Variants in AGBL4 observed in about 807,000 individuals in gnomAD.
AGBL4 encodes cytosolic carboxypeptidase 6.
Under a neutral mutation model 66.4 loss-of-function variants are expected in AGBL4, and 58 were observed. The observed-to-expected ratio is 0.87, with a 90% CI of 0.71 to 1.09. AGBL4 has a LOEUF of 1.09. Ranked by LOEUF, AGBL4 falls within the 50% of genes least tolerant of loss-of-function variation. AGBL4 has a pLI of 0.00. For missense variants in AGBL4, 579 were observed against 631.0 expected (o/e 0.92, Z 0.88); for synonymous variants, 234 against 222.9 (o/e 1.05, Z -0.44).
Position 49,453,426 on chromosome 1 carries a change from A to G in AGBL4, c.283-207562T>C, listed in dbSNP as rs185336915. 2.6e-3 allele frequency among the ~76,000 whole-genome samples: 402 copies of G among 151,846 alleles called. 2 individuals are homozygous for G. Among genetic ancestry groups the G allele is most frequent in the South Asian group, 7.7e-3 (37 of 4,812 alleles). On this transcript the variant is annotated intron_variant, in intron 3 of 13. Coordinates refer to ENST00000371839, the MANE Select transcript of AGBL4 (RefSeq NM_032785.4). ...GTATGATATGGCACCTGGCAAAGAC[A>G]CTTTTCCAGAAATATTCCTAAATAA...
At chr1:48,741,239 G>A (rs1649866421) in intron 6 of AGBL4, among the ~76,000 whole-genome samples, 1 of 152,212 alleles carries the variant, frequency 6.6e-6, no homozygotes, top group African/African-American at 2.4e-5. Context: ...GATTGGGGAA[G>A]GTTCACCAAA....
At chr1:49,565,687 G>C (rs901816016) in intron 3 of AGBL4, among the ~76,000 whole-genome samples, 12 of 152,132 alleles carry the variant, frequency 7.9e-5, no homozygotes, top group Non-Finnish European at 1.5e-5. Context: ...TTAGTCTGAT[G>C]GGCTTCCCTT....
intron 6 of AGBL4, among the ~76,000 whole-genome samples, chr1:48,719,496 A>G (rs1196654387): frequency 6.6e-6 from 1 of 152,056 alleles, no homozygotes; most frequent in Non-Finnish European, 1.5e-5. Flanking sequence ...TCATTTTTCT[A>G]AGGCACAAAG....
chr1:49,146,642 C>T (rs1646223639), intron 4 of AGBL4, among the ~76,000 whole-genome samples: 1 of 152,166 alleles, frequency 6.6e-6, no homozygotes, highest in South Asian at 2.1e-4. Context: ...GTGGTGGTGA[C>T]TGTCTCATTT....
the AGBL4 span, among the ~76,000 whole-genome samples, chr1:48,527,321 C>T: frequency 2.0e-5 from 3 of 151,804 alleles, no homozygotes; most frequent in South Asian, 6.2e-4. Flanking sequence ...ACAGGCCTGG[C>T]GCAACAGCTC....
intron 3 of AGBL4, among the ~76,000 whole-genome samples, chr1:49,359,057 G>A (rs757404574): frequency 4.6e-5 from 7 of 152,316 alleles, no homozygotes; most frequent in South Asian, 2.1e-4. Context: ...CCATGTGTGC[G>A]TACATACATT....
At chr1:49,404,882 G>A (rs921247570) in intron 3 of AGBL4, among the ~76,000 whole-genome samples, 3 of 152,126 alleles carry the variant, frequency 2.0e-5, no homozygotes, top group Non-Finnish European at 4.4e-5. Flanking sequence ...CTTTTCAATT[G>A]AATCATGTAG....
At chr1:49,317,147 A>C (rs1031945324) in intron 3 of AGBL4, among the ~76,000 whole-genome samples, 2 of 151,916 alleles carry the variant, frequency 1.3e-5, no homozygotes, top group Non-Finnish European at 2.9e-5. Context: ...ATGTATTTTT[A>C]AATTGGGTTA....
intron 5 of AGBL4, among the ~76,000 whole-genome samples, chr1:49,025,188 A>G (rs1414997538): frequency 6.6e-6 from 1 of 152,218 alleles, no homozygotes; most frequent in African/African-American, 2.4e-5. Flanking sequence ...TAAACAAACA[A>G]GAAAACCTTG....
chr1:49,274,719 T>C (rs1644133410), intron 3 of AGBL4, among the ~76,000 whole-genome samples: 2 of 152,090 alleles, frequency 1.3e-5, no homozygotes, highest in African/African-American at 4.8e-5. Context: ...AATCATACTA[T>C]TGGAGTAGGT....
intron 6 of AGBL4, among the ~76,000 whole-genome samples, chr1:48,705,176 CA>C (rs899591383): frequency 5.9e-5 from 9 of 152,094 alleles, no homozygotes; most frequent in African/African-American, 1.9e-4. Flanking sequence ...AATGAATTTA[CA>C]AAGAGTACTT....
chr1:48,585,117 G>T (rs1459290056), intron 11 of AGBL4: 2 of 152,166 alleles, frequency 1.3e-5, no homozygotes, highest in African/African-American at 4.8e-5. Context: ...AATGAGTGTT[G>T]GCTGTTGAGG....
chr1:49,695,784 CT>C (rs1646971306), intron 3 of AGBL4, among the ~76,000 whole-genome samples: 1 of 152,014 alleles, frequency 6.6e-6, no homozygotes, highest in Admixed American at 6.6e-5. Flanking sequence ...GGCCCCTAAA[CT>C]TTAGTAAATA....
intron 4 of AGBL4, among the ~76,000 whole-genome samples, chr1:49,231,984 G>A (rs1435136234): frequency 6.6e-6 from 1 of 152,118 alleles, no homozygotes; most frequent in Non-Finnish European, 1.5e-5. Context: ...TATGATGTAG[G>A]TTAGGTGTAT....
At chr1:49,909,237 A>T (rs899395057) in intron 1 of AGBL4, among the ~76,000 whole-genome samples, 1 of 152,310 alleles carries the variant, frequency 6.6e-6, no homozygotes, top group South Asian at 2.1e-4. Flanking sequence ...AGAGTTATGT[A>T]AGAGCTTGTT....
chr1:49,652,794 C>T (rs1646035324), intron 3 of AGBL4, among the ~76,000 whole-genome samples: 2 of 152,154 alleles, frequency 1.3e-5, no homozygotes, highest in South Asian at 2.1e-4. Context: ...GCATCCCCAA[C>T]CAGGGGTTTA....
chr1:48,707,195 G>A (rs1273515375), intron 6 of AGBL4, among the ~76,000 whole-genome samples: 1 of 152,198 alleles, frequency 6.6e-6, no homozygotes, highest in African/African-American at 2.4e-5. Flanking sequence ...TTGGGAGGCT[G>A]AGGTGGGAGG....
At chr1:49,215,213 T>C (rs1490892888) in intron 4 of AGBL4, among the ~76,000 whole-genome samples, 5 of 152,268 alleles carry the variant, frequency 3.3e-5, no homozygotes, top group African/African-American at 7.2e-5. Flanking sequence ...TGTGGGAGTT[T>C]TGCCTTGTTT....
At chr1:49,822,310 C>CGTGTGT (rs143957066) in intron 2 of AGBL4, among the ~76,000 whole-genome samples, 209 of 145,880 alleles carry the variant, frequency 1.4e-3, no homozygotes, top group African/African-American at 4.2e-3. Flanking sequence ...CTTCTTTCTT[C>CGTGTGT]GTGTGTGTGT....
Sources: gnomAD v4.1 joint callset for allele counts (sites outside exome capture counted in the v4.1 genomes callset) on GRCh38, gnomAD v4.1.1 for gene constraint, MANE v1.5 for transcripts, NCBI Gene and HGNC (gene_info 2026-07-23, HGNC 2026-07-21) for gene names.